Variants in THOC2 observed in about 807,000 individuals in gnomAD.
The protein encoded by THOC2 is THO complex subunit 2.
THOC2 carries 10 observed loss-of-function variants against 128.4 expected under a neutral mutation model. The observed-to-expected ratio is 0.08, with a 90% CI of 0.05 to 0.13. The LOEUF (loss-of-function observed/expected upper bound fraction) is 0.13. THOC2 is among the 10% of genes least tolerant of loss of function. The pLI is 1.00. For missense variants in THOC2, 535 were observed against 1,155.7 expected (o/e 0.46, Z 7.79); for synonymous variants, 393 against 396.9 (o/e 0.99, Z 0.12).
intron 8 of THOC2, among the ~76,000 whole-genome samples, chrX:123,673,200 G>A (rs769330405): frequency 2.7e-5 from 3 of 111,210 alleles, no homozygotes; most frequent in South Asian, 3.9e-4. Context: ...TTAGCCAGGC[G>A]TGGTGGCAGG....
At chrX:123,646,067 C>T (rs1455837285) in intron 12 of THOC2, among the ~76,000 whole-genome samples, 1 of 111,511 alleles carries the variant, frequency 9.0e-6, no homozygotes, top group East Asian at 2.8e-4. Context: ...ACTAAAGCAA[C>T]AAAAATGCAA....
chrX:123,716,651 C>T (rs1488084496), intron 1 of THOC2, among the ~76,000 whole-genome samples: 5 of 108,055 alleles, frequency 4.6e-5, no homozygotes, highest in Non-Finnish European at 9.6e-5. Flanking sequence ...ATGGCGTGAA[C>T]CCGGGAGGCG....
chrX:123,638,953 C>G lies in THOC2; in HGVS notation c.1821G>C (p.Leu607=), dbSNP rs769147031. The G allele has an allele frequency of 4.9e-5, 57 of 1,161,408 alleles. 1 individual carries two copies. ...GGATACAGGCCAAGACATCATAATT[C>G]AGTGAAGTGAGGTATTTCAATGAAT... is the stretch of plus-strand genomic sequence containing the variant. ...VVDSLKYLTS[L]NYDVLAYCII... Residue 607 remains leucine, a synonymous_variant, in exon 17 of 39, where the codon CTG becomes CTC. Transcript: ENST00000245838.
At chrX:123,693,415 A>G (rs183842164) in intron 7 of THOC2, among the ~76,000 whole-genome samples, 289 of 112,122 alleles carry the variant, frequency 2.6e-3, no homozygotes, top group African/African-American at 9.1e-3. Flanking sequence ...GCGGATAGCC[A>G]AGATTGTACC....
chrX:123,683,980 T>A (rs2147863233), intron 8 of THOC2, among the ~76,000 whole-genome samples: 1 of 110,546 alleles, frequency 9.0e-6, no homozygotes, highest in Admixed American at 9.7e-5. Flanking sequence ...AAGAACAAGT[T>A]ATTTCTAAAT....
chrX:123,663,163 TAATAGC>T (rs776020119), intron 12 of THOC2, among the ~76,000 whole-genome samples: 93 of 112,010 alleles, frequency 8.3e-4, no homozygotes, highest in Non-Finnish European at 1.5e-3. Flanking sequence ...AGCAGCTTTA[TAATAGC>T]CTCCAGGTAG....
intron 37 of THOC2, among the ~76,000 whole-genome samples, chrX:123,611,184 A>G (rs1362685578): frequency 2.7e-5 from 3 of 111,092 alleles, no homozygotes; most frequent in African/African-American, 9.8e-5. Context: ...TCTCTGTGAT[A>G]ATATAACCTG....
chrX:123,654,625 G>A (rs1024113158), intron 12 of THOC2, among the ~76,000 whole-genome samples: 25 of 106,027 alleles, frequency 2.4e-4, no homozygotes, highest in Non-Finnish European at 4.6e-4. Context: ...GGGCATGGTG[G>A]GCGCGCACCT....
intron 1 of THOC2, among the ~76,000 whole-genome samples, chrX:123,718,816 C>G (rs762220302): frequency 1.8e-5 from 2 of 110,557 alleles, no homozygotes; most frequent in African/African-American, 6.6e-5. Context: ...TGGAGACAAC[C>G]TATGGATTCA....
intron 18 of THOC2, among the ~76,000 whole-genome samples, chrX:123,636,858 T>C (rs2047692300): frequency 8.9e-6 from 1 of 111,984 alleles, no homozygotes; most frequent in African/African-American, 3.2e-5. Context: ...ACACAAGTCC[T>C]GCCCTCAAGG....
chrX:123,711,185 A>AT (rs1261622679), intron 2 of THOC2, among the ~76,000 whole-genome samples: 9 of 97,544 alleles, frequency 9.2e-5, no homozygotes, highest in Admixed American at 3.3e-4. Context: ...CACGCAGCTA[A>AT]TTTTTTTTTG....
chrX:123,718,202 T>C (rs1483354021), intron 1 of THOC2, among the ~76,000 whole-genome samples: 1 of 112,199 alleles, frequency 8.9e-6, no homozygotes, highest in Non-Finnish European at 1.9e-5. Context: ...AAAGACAGTC[T>C]CTTCAATAAA....
In THOC2 at chrX:123,680,611, G is replaced by A. The variant is rs144635637; in HGVS notation, c.768+5937C>T. Among the ~76,000 whole-genome samples the A allele has an allele frequency of 6.4e-3, 705 of 110,282 alleles. 2 individuals are homozygous for A. Among genetic ancestry groups the A allele is most frequent in the Non-Finnish European group, 0.01 (543 of 52,801 alleles). The stretch of plus-strand genomic sequence containing the variant: ...CCTAACGAAAAACACCCACAGGTGC[G>A]GAGGGGCAACCCACCCCTTCAGATC... On this transcript the variant is annotated intron_variant, in intron 8 of 38. Coordinates refer to ENST00000245838, the MANE Select transcript of THOC2 (RefSeq NM_001081550.2).
intron 1 of THOC2, among the ~76,000 whole-genome samples, chrX:123,730,186 T>G (rs956533181): frequency 9.1e-5 from 10 of 110,434 alleles, no homozygotes; most frequent in Admixed American, 2.9e-4. Context: ...GTTTTTGTTT[T>G]TTTTTTTTTT....
chrX:123,688,502 A>G (rs193200853), intron 7 of THOC2, among the ~76,000 whole-genome samples: 1,132 of 111,285 alleles, frequency 0.01, 7 homozygotes, highest in Middle Eastern at 0.028. Context: ...AGGTCAAGGC[A>G]GGTAGATCAC....
intron 4 of THOC2, among the ~76,000 whole-genome samples, chrX:123,702,581 T>TATATATTA: frequency 9.5e-6 from 1 of 105,214 alleles, no homozygotes; most frequent in Admixed American, 1.1e-4. Context: ...CACATATATA[T>TATATATTA]TATATATATC....
intron 2 of THOC2, among the ~76,000 whole-genome samples, chrX:123,711,195 G>GTTTTT (rs763172522): frequency 1.1e-5 from 1 of 94,205 alleles, no homozygotes; most frequent in Non-Finnish European, 2.1e-5. Flanking sequence ...ATTTTTTTTT[G>GTTTTT]TTTTTGTTTT....
intron 38 of THOC2, among the ~76,000 whole-genome samples, chrX:123,604,292 C>T (rs2046387243): frequency 9.0e-6 from 1 of 111,477 alleles, no homozygotes; most frequent in South Asian, 3.8e-4. Flanking sequence ...AGAAGATGGC[C>T]TTCCTACTCT....
chrX:123,645,652 T>C (rs2048091171), intron 12 of THOC2, among the ~76,000 whole-genome samples: 2 of 112,698 alleles, frequency 1.8e-5, no homozygotes, highest in Admixed American at 1.9e-4. Flanking sequence ...AAAATTGATC[T>C]AAGAATTTAT....
Sources: allele counts gnomAD v4.1 joint callset (sites outside exome capture counted in the v4.1 genomes callset), GRCh38; gene constraint gnomAD v4.1.1; transcripts MANE v1.5; gene names NCBI Gene and HGNC (gene_info 2026-07-23, HGNC 2026-07-21).